GRIA2: variants seen among roughly 807,000 people sequenced by gnomAD.
The protein encoded by GRIA2 is glutamate receptor 2.
Under a neutral mutation model 97.3 loss-of-function variants are expected in GRIA2, and 14 were observed. That is an observed-to-expected ratio of 0.14 (90% CI 0.10 to 0.23). GRIA2 has a LOEUF of 0.23. GRIA2 is among the 10% of genes least tolerant of loss of function. The pLI is 1.00. For missense variants in GRIA2, 558 were observed against 1,069.8 expected (o/e 0.52, Z 6.67); for synonymous variants, 412 against 387.8 (o/e 1.06, Z -0.73).
rs185733750 is a variant in GRIA2 at position 157,345,364 on chromosome 4, C to T, written c.2043+3902C>T. Among the ~76,000 whole-genome samples, 235 of 152,008 alleles carry T rather than the reference C, an allele frequency of 1.5e-3. 2 individuals carry two copies. Among genetic ancestry groups the T allele is most frequent in the African/African-American group, 5.6e-3 (231 of 41,484 alleles). ...CAGTTTTCTGTTTATGGAACCCATG[C>T]ACATCCTTGTACAGAGTGAATGATA... On this transcript the variant is annotated intron_variant, in intron 12 of 15. Transcript: ENST00000264426.
At chr4:157,224,037 G>T (rs563674966) in intron 2 of GRIA2, among the ~76,000 whole-genome samples, 1 of 152,060 alleles carries the variant, frequency 6.6e-6, no homozygotes, top group Non-Finnish European at 1.5e-5. Flanking sequence ...TCATATATTT[G>T]CAGGGTGAAC....
chr4:157,343,796 C>T (rs898323394), intron 12 of GRIA2, among the ~76,000 whole-genome samples: 16 of 152,032 alleles, frequency 1.1e-4, no homozygotes, highest in South Asian at 2.1e-4. Context: ...ATATATGACA[C>T]GGTTGCAATT....
At position 157,363,892 on chromosome 4, in the gene GRIA2, GATT is replaced by G. The variant is rs1192443040; in HGVS notation, c.*462_*464del. 1.3e-5 allele frequency: 3 copies of G among 223,902 alleles called. No individual in the cohort carries two copies. Among genetic ancestry groups the G allele is most frequent in the African/African-American group, 6.8e-5 (3 of 44,174 alleles). 13.9% of individuals were successfully genotyped at this position (223,902 alleles called of 1,614,324 possible). A position where few individuals can be genotyped will look rare whatever the true frequency, so the allele number is the denominator to read the frequency against. ...CTGCAGCCACTATTGTTAGTCTCTT[GATT>G]CATAATGACTTAAGCACACTTGACA... On this transcript the variant is annotated 3_prime_UTR_variant, in exon 16 of 16. Coordinates refer to ENST00000264426, the MANE Select transcript of GRIA2 (RefSeq NM_001083619.3).
chr4:157,316,901 CGTAATTGATACAGA>C (rs1734348161), intron 4 of GRIA2, among the ~76,000 whole-genome samples: 1 of 152,170 alleles, frequency 6.6e-6, no homozygotes, highest in Non-Finnish European at 1.5e-5. Context: ...CTACTCTCTT[CGTAATTGATACAGA>C]TCATTCAAAA....
intron 12 of GRIA2, among the ~76,000 whole-genome samples, chr4:157,351,342 G>T (rs1443972059): frequency 6.6e-6 from 1 of 152,054 alleles, no homozygotes; most frequent in Non-Finnish European, 1.5e-5. Flanking sequence ...AAAAATGAAA[G>T]ACAGGGTCAT....
At chr4:157,274,854 A>G (rs1035948034) in intron 2 of GRIA2, among the ~76,000 whole-genome samples, 25 of 151,996 alleles carry the variant, frequency 1.6e-4, no homozygotes, top group Admixed American at 4.6e-4. Context: ...TTATAGCAGC[A>G]TGATTTATAA....
At chr4:157,300,543 A>C (rs1035614267) in intron 2 of GRIA2, among the ~76,000 whole-genome samples, 4 of 152,090 alleles carry the variant, frequency 2.6e-5, no homozygotes, top group Non-Finnish European at 5.9e-5. Context: ...CTGTTGGCCG[A>C]ATGGCTGTTA....
At chr4:157,275,919 A>T (rs569592919) in intron 2 of GRIA2, among the ~76,000 whole-genome samples, 7 of 152,110 alleles carry the variant, frequency 4.6e-5, no homozygotes, top group Non-Finnish European at 7.3e-5. Context: ...TGTTAGTTTG[A>T]TGGGGATGGC....
chr4:157,241,388 G>T (rs1052642960), intron 2 of GRIA2, among the ~76,000 whole-genome samples: 27 of 151,916 alleles, frequency 1.8e-4, no homozygotes, highest in Admixed American at 1.2e-3. Flanking sequence ...TATCTAAATG[G>T]GAACTTTTAA....
rs187220377 is a variant in GRIA2, at chr4:157,338,452, G to C, written c.1844+1705G>C. 1.0e-3 allele frequency among the ~76,000 whole-genome samples: 154 copies of C among 152,066 alleles called. 5 individuals are homozygous for C. The East Asian group carries it at 0.023, about 23-fold the overall frequency. On this transcript the variant is annotated intron_variant, in intron 11 of 15. Transcript: ENST00000264426. ...GTTTAGGTATCCAGTGTTTGTCAGGGAGTGGGAAACCTATTTGCACACAGG... is the reference window on the plus strand; with the variant it reads ...GTTTAGGTATCCAGTGTTTGTCAGGCAGTGGGAAACCTATTTGCACACAGG...
intron 2 of GRIA2, among the ~76,000 whole-genome samples, chr4:157,278,205 A>G (rs1462607983): frequency 1.3e-5 from 2 of 151,778 alleles, no homozygotes; most frequent in Non-Finnish European, 2.9e-5. Context: ...ACTCATACCA[A>G]CTGACTTTAA....
intron 3 of GRIA2, among the ~76,000 whole-genome samples, chr4:157,306,499 G>C (rs1733850997): frequency 6.6e-6 from 1 of 152,158 alleles, no homozygotes; most frequent in South Asian, 2.1e-4. Flanking sequence ...ATGTTAGAGT[G>C]ATAATATTAA....
intron 2 of GRIA2, among the ~76,000 whole-genome samples, chr4:157,227,254 A>T (rs1182506773): frequency 6.6e-6 from 1 of 152,196 alleles, no homozygotes; most frequent in African/African-American, 2.4e-5. Context: ...TGCTAGGGAC[A>T]TTGTACTGAG....
intron 1 of GRIA2, 70 bp downstream of exon 1, chr4:157,221,200 A>G (rs990580692): frequency 6.0e-6 from 5 of 829,630 alleles, no homozygotes; most frequent in African/African-American, 1.7e-5. Context: ...ACAGTGTACA[A>G]ATTAATTCAT....
intron 2 of GRIA2, among the ~76,000 whole-genome samples, chr4:157,251,088 T>C (rs568086890): frequency 6.6e-6 from 1 of 152,172 alleles, no homozygotes; most frequent in Non-Finnish European, 1.5e-5. Flanking sequence ...TTATGGAGCC[T>C]ATCAAAAAAA....
At chr4:157,285,132 A>G (rs528553053) in intron 2 of GRIA2, among the ~76,000 whole-genome samples, 3 of 151,678 alleles carry the variant, frequency 2.0e-5, no homozygotes, top group South Asian at 2.1e-4. Context: ...GGGTACCTCA[A>G]TTGGTCTTAA....
chr4:157,357,868 C>T (rs991204886), intron 12 of GRIA2, among the ~76,000 whole-genome samples: 9 of 151,814 alleles, frequency 5.9e-5, no homozygotes, highest in East Asian at 1.9e-4. Flanking sequence ...TAAAACCAGC[C>T]GAAAATATTT....
chr4:157,334,203 AATAAT>A, intron 9 of GRIA2, 83 bp downstream of exon 9: 1 of 744,460 alleles, frequency 1.3e-6, no homozygotes, highest in Non-Finnish European at 2.4e-6. Context: ...ATTTTAGGAG[AATAAT>A]ATCTGTTTTG....
intron 2 of GRIA2, among the ~76,000 whole-genome samples, chr4:157,281,329 T>G (rs551107062): frequency 7.2e-5 from 11 of 152,262 alleles, no homozygotes; most frequent in Middle Eastern, 3.4e-3. Context: ...GGTCCTGTTT[T>G]TTGGGTACTC....
Sources: allele counts gnomAD v4.1 joint callset (sites outside exome capture counted in the v4.1 genomes callset), GRCh38; gene constraint gnomAD v4.1.1; transcripts MANE v1.5; gene names NCBI Gene and HGNC (gene_info 2026-07-23, HGNC 2026-07-21).